DAB1: variants seen among roughly 807,000 people sequenced by gnomAD.
The protein encoded by DAB1 is DAB adaptor protein 1.
DAB1 carries 15 observed loss-of-function variants against 64.6 expected under a neutral mutation model. The ratio of observed to expected loss-of-function variants is 0.23; its 90% CI spans 0.16 to 0.36. DAB1 has a LOEUF of 0.36. DAB1 is among the 10% of genes least tolerant of loss of function. The pLI is 1.00. For missense variants in DAB1, 596 were observed against 706.7 expected, an observed-to-expected ratio of 0.84 and a Z score of 1.78; for synonymous variants, 235 against 251.9, an observed-to-expected ratio of 0.93 and a Z score of 0.64.
In DAB1 at chr1:58,185,283, C is replaced by T. The variant is rs183391364; in HGVS notation, n.310-34695G>A. 9.9e-5 allele frequency among the ~76,000 whole-genome samples: 15 copies of T among 152,240 alleles called. No homozygotes were observed. The Middle Eastern group carries it at 0.01, about 104-fold the overall frequency. On this transcript the variant is annotated intron_variant and non_coding_transcript_variant, in intron 4 of 20. Coordinates refer to the DAB1 transcript ENST00000485760. ...GTAAGATGTCATGGGTTTATGGTCT[C>T]ATTATCTGCAGGCATCTGAAGTTTT... is the stretch of plus-strand genomic sequence containing the variant.
chr1:57,047,681 G>A (rs753740912), intron 9 of DAB1, among the ~76,000 whole-genome samples: 11 of 152,268 alleles, frequency 7.2e-5, no homozygotes, highest in Admixed American at 3.3e-4. Flanking sequence ...AAACCACCTC[G>A]TCTGTGGTAT....
chr1:57,459,445 C>T (rs1316411092), intron 7 of DAB1, among the ~76,000 whole-genome samples: 1 of 152,108 alleles, frequency 6.6e-6, no homozygotes, highest in Non-Finnish European at 1.5e-5. Context: ...GGGATATTCT[C>T]CAAAATTGTA....
intron 2 of DAB1, among the ~76,000 whole-genome samples, chr1:57,217,552 T>C (rs1026366573): frequency 6.6e-6 from 1 of 152,078 alleles, no homozygotes; most frequent in Non-Finnish European, 1.5e-5. Context: ...CTGAAACACA[T>C]CCCTATCTTT....
intron 6 of DAB1, among the ~76,000 whole-genome samples, chr1:57,665,178 T>G (rs1646431638): frequency 6.6e-6 from 1 of 152,050 alleles, no homozygotes; most frequent in Admixed American, 6.6e-5. Context: ...TTTTGATACC[T>G]CAATATAAAT....
intron 7 of DAB1, among the ~76,000 whole-genome samples, chr1:57,517,111 G>A (rs949493096): frequency 2.0e-5 from 3 of 152,120 alleles, no homozygotes; most frequent in Non-Finnish European, 4.4e-5. Flanking sequence ...CAGGCATACA[G>A]TAGGTGCCAT....
intron 1 of DAB1, among the ~76,000 whole-genome samples, chr1:57,334,701 G>A (rs1295108968): frequency 2.0e-5 from 3 of 152,120 alleles, no homozygotes; most frequent in Admixed American, 1.3e-4. Flanking sequence ...CTTTACGTAT[G>A]GTAACTCCTA....
chr1:57,340,957 A>C (rs1360141839), intron 1 of DAB1, among the ~76,000 whole-genome samples: 1 of 152,166 alleles, frequency 6.6e-6, no homozygotes, highest in Non-Finnish European at 1.5e-5. Flanking sequence ...AGGAAGGCTC[A>C]AGAGAGCTAA....
rs1645567603 is a variant in DAB1, at chr1:56,995,042, A to G, written c.*3102T>C. The G allele has an allele frequency of 6.6e-6, 1 of 152,230 alleles. No individual in the cohort carries two copies. Among genetic ancestry groups the G allele is most frequent in the Non-Finnish European group, 1.5e-5 (1 of 68,044 alleles). The allele number at this position is 152,230 out of a possible 1,614,324, so 9.4% of individuals were successfully genotyped here. A position where few individuals can be genotyped will look rare whatever the true frequency, so the allele number is the denominator to read the frequency against. ...AAATTGAAATGAACCAAACCCACAG[A>G]GTAAACATTTGTTTAAAAGAAGGTG... On this transcript the variant is annotated 3_prime_UTR_variant, in exon 15 of 15. Coordinates refer to ENST00000371236, the MANE Select transcript of DAB1 (RefSeq NM_001365792.1).
chr1:57,575,570 T>C (rs975114930), intron 7 of DAB1, among the ~76,000 whole-genome samples: 1 of 152,156 alleles, frequency 6.6e-6, no homozygotes, highest in Non-Finnish European at 1.5e-5. Context: ...TCAGAACAGT[T>C]CAATGAAAAT....
intron 2 of DAB1, among the ~76,000 whole-genome samples, chr1:57,233,133 C>T (rs1667810483): frequency 6.6e-6 from 1 of 152,020 alleles, no homozygotes; most frequent in South Asian, 2.1e-4. Flanking sequence ...CCAAGTGCCA[C>T]GCTTCCAAGT....
chr1:57,421,914 T>TGGGGGGGGGGGGGGGGG (rs1684932712), intron 1 of DAB1, among the ~76,000 whole-genome samples: 2 of 11,472 alleles, frequency 1.7e-4, no homozygotes, highest in African/African-American at 3.9e-4. Context: ...GGGGGGGGGG[T>TGGGGGGGGGGGGGGGGG]GGCGGGGGGG....
chr1:58,528,076 G>A (rs1646379550), intron 1 of DAB1, among the ~76,000 whole-genome samples: 1 of 152,206 alleles, frequency 6.6e-6, no homozygotes, highest in African/African-American at 2.4e-5. Context: ...GTGATGGCCT[G>A]AAATAATATA....
intron 4 of DAB1, chr1:58,228,752 G>C: frequency 3.1e-6 from 3 of 954,036 alleles, no homozygotes; most frequent in Non-Finnish European, 4.8e-6. Context: ...GGCCCACGTT[G>C]ATGGCATAGG....
At chr1:58,041,145 C>T (rs1286139190) in intron 5 of DAB1, among the ~76,000 whole-genome samples, 1 of 152,226 alleles carries the variant, frequency 6.6e-6, no homozygotes, top group Non-Finnish European at 1.5e-5. Flanking sequence ...AGTGTCTCCT[C>T]ATCTGTGAAG....
chr1:58,446,110 A>G (rs1409638350), intron 3 of DAB1, among the ~76,000 whole-genome samples: 4 of 152,188 alleles, frequency 2.6e-5, no homozygotes, highest in Non-Finnish European at 4.4e-5. Context: ...CATTATTTAA[A>G]TTTACATATA....
At chr1:57,294,544 A>G (rs926458818) in intron 1 of DAB1, among the ~76,000 whole-genome samples, 8 of 152,062 alleles carry the variant, frequency 5.3e-5, no homozygotes, top group African/African-American at 1.7e-4. Flanking sequence ...TATAACACAC[A>G]TTTGTGTTCT....
At chr1:57,255,553 G>A (rs4912235) in intron 2 of DAB1, among the ~76,000 whole-genome samples, 3,284 of 152,202 alleles carry the variant, frequency 0.022, 85 homozygotes, top group Admixed American at 0.081. Flanking sequence ...CCAGCTATTT[G>A]GGAGGCTGAG....
chr1:57,216,044 T>C (rs1456521060), intron 2 of DAB1, among the ~76,000 whole-genome samples: 2 of 152,090 alleles, frequency 1.3e-5, no homozygotes, highest in Non-Finnish European at 2.9e-5. Flanking sequence ...ATTCTGGAAA[T>C]AGATGTCTTT....
At chr1:58,283,457 C>T (rs1009730676) in intron 4 of DAB1, among the ~76,000 whole-genome samples, 1 of 152,116 alleles carries the variant, frequency 6.6e-6, no homozygotes, top group African/African-American at 2.4e-5. Flanking sequence ...CCCCTTTCAT[C>T]CAATCATCCA....
Sources: gnomAD v4.1 joint callset for allele counts (sites outside exome capture counted in the v4.1 genomes callset) on GRCh38, gnomAD v4.1.1 for gene constraint, MANE v1.5 for transcripts, NCBI Gene and HGNC (gene_info 2026-07-23, HGNC 2026-07-21) for gene names.